Variants in SNTG1 observed in about 807,000 individuals in gnomAD.
SNTG1 encodes gamma-1-syntrophin.
SNTG1 carries 39 observed loss-of-function variants against 74.7 expected under a neutral mutation model. The ratio of observed to expected loss-of-function variants is 0.52; its 90% confidence interval spans 0.40 to 0.68. SNTG1 has a LOEUF of 0.68. SNTG1 is among the 30% of genes least tolerant of loss of function. The probability of loss-of-function intolerance (pLI) is 0.00; values close to 1 mark genes in which losing one functional copy is unlikely to be tolerated. For synonymous variants in SNTG1, 254 were observed against 217.1 expected, an observed-to-expected ratio of 1.17 and a Z score of -1.49; for missense variants, 685 against 609.5, an observed-to-expected ratio of 1.12 and a Z score of -1.30.
chr8:50,692,599 G>T (rs539993603), intron 15 of SNTG1, among the ~76,000 whole-genome samples: 3 of 152,102 alleles, frequency 2.0e-5, no homozygotes, highest in Non-Finnish European at 4.4e-5. Flanking sequence ...CTGCCTGATC[G>T]TTCCTCTGGA....
At chr8:50,058,289 T>A (rs1820193967) in intron 1 of SNTG1, among the ~76,000 whole-genome samples, 1 of 152,152 alleles carries the variant, frequency 6.6e-6, no homozygotes, top group African/African-American at 2.4e-5. Flanking sequence ...GTTTATATGA[T>A]TAATAAGAGC....
chr8:50,095,863 C>A (rs1331324103), intron 1 of SNTG1, among the ~76,000 whole-genome samples: 1 of 151,764 alleles, frequency 6.6e-6, no homozygotes, highest in Non-Finnish European at 1.5e-5. Context: ...CCAAAGTGAG[C>A]ACAAGCCTAT....
Position 50,547,646 on chromosome 8 carries a change from G to A in SNTG1, c.681-5404G>A, listed in dbSNP as rs1027159483. ...TAGCCAGAGGAGGACAGTATTCCAGGGTGCTTGAATATCTCTGGAAAACTG... is the reference window on the plus strand; with the variant it reads ...TAGCCAGAGGAGGACAGTATTCCAGAGTGCTTGAATATCTCTGGAAAACTG... On this transcript the variant is annotated intron_variant, in intron 11 of 18. Transcript: ENST00000642720. Among the ~76,000 whole-genome samples, 3 of 151,838 alleles carry A rather than the reference G, an allele frequency of 2.0e-5. No individual in the cohort carries two copies. In the East Asian group the frequency reaches 5.8e-4, roughly 29 times the overall value.
intron 15 of SNTG1, among the ~76,000 whole-genome samples, chr8:50,697,950 A>G (rs1300998513): frequency 2.0e-5 from 3 of 152,136 alleles, no homozygotes; most frequent in Non-Finnish European, 4.4e-5. Flanking sequence ...CAGGATTTGT[A>G]TAATAAGTTA....
At chr8:49,937,645 C>T (rs993830357) in intron 1 of SNTG1, among the ~76,000 whole-genome samples, 4 of 152,140 alleles carry the variant, frequency 2.6e-5, no homozygotes, top group Non-Finnish European at 4.4e-5. Flanking sequence ...ATCTAGTCAG[C>T]TACACTCAAA....
chr8:50,457,217 G>A (rs1045840091), intron 8 of SNTG1: 3 of 152,098 alleles, frequency 2.0e-5, no homozygotes, highest in Admixed American at 2.0e-4. Flanking sequence ...AAAATCTTCA[G>A]TTCTTTCATT....
intron 2 of SNTG1, among the ~76,000 whole-genome samples, chr8:50,233,693 C>A (rs565213659): frequency 1.3e-5 from 2 of 148,418 alleles, no homozygotes; most frequent in South Asian, 4.3e-4. Context: ...ATAAAGAATT[C>A]TCAAAACTTC....
chr8:50,530,838 T>C (rs2094261069), intron 10 of SNTG1, among the ~76,000 whole-genome samples: 1 of 152,218 alleles, frequency 6.6e-6, no homozygotes, highest in African/African-American at 2.4e-5. Flanking sequence ...AGTAAATCGA[T>C]TTTAATATCT....
intron 2 of SNTG1, among the ~76,000 whole-genome samples, chr8:50,295,040 C>A (rs1489394796): frequency 6.6e-6 from 1 of 152,098 alleles, no homozygotes; most frequent in African/African-American, 2.4e-5. Context: ...ACAGACAAAC[C>A]ACTTTGTACA....
At chr8:50,717,735 C>A (rs1283870755) in intron 17 of SNTG1, among the ~76,000 whole-genome samples, 2 of 152,162 alleles carry the variant, frequency 1.3e-5, no homozygotes, top group African/African-American at 4.8e-5. Flanking sequence ...ACTTTTCTCC[C>A]AGGCTTATGG....
In SNTG1 at chr8:50,594,368, G is replaced by A. The variant is rs982859762; in HGVS notation, c.849+3451G>A. 2.0e-5 allele frequency among the ~76,000 whole-genome samples: 3 copies of A among 151,560 alleles called. No individual in the cohort carries two copies. The South Asian group carries it at 6.3e-4, about 32-fold the overall frequency. On this transcript the variant is annotated intron_variant, in intron 13 of 18. Transcript: ENST00000642720. ...AATAAGTTTCTTCTATAATTACCTGGGAGTAACATTATAAAGTATTAATTT... is the reference window on the plus strand; with the variant it reads ...AATAAGTTTCTTCTATAATTACCTGAGAGTAACATTATAAAGTATTAATTT...
chr8:50,548,109 C>A (rs1335288212), intron 11 of SNTG1, among the ~76,000 whole-genome samples: 1 of 152,142 alleles, frequency 6.6e-6, no homozygotes, highest in Non-Finnish European at 1.5e-5. Context: ...CTTCTTTGCA[C>A]AATTTATTAC....
At chr8:50,602,310 T>C (rs1023244286) in intron 13 of SNTG1, among the ~76,000 whole-genome samples, 4 of 152,148 alleles carry the variant, frequency 2.6e-5, no homozygotes, top group Non-Finnish European at 5.9e-5. Flanking sequence ...GAGGTTGCCA[T>C]GAGGATTGAT....
At position 50,297,396 on chromosome 8, in the gene SNTG1, G is replaced by A. The variant is rs777678514; in HGVS notation, c.-27-96816G>A. Among the ~76,000 whole-genome samples the A allele has an allele frequency of 5.1e-4, 78 of 152,246 alleles. 1 individual carries two copies. Among genetic ancestry groups the A allele is most frequent in the Non-Finnish European group, 8.2e-4 (56 of 68,014 alleles). ...AGATAGATGGCTCATTCCTACCATAGATCTTAGCAACCCCAGCACACAATT... is the reference window on the plus strand; with the variant it reads ...AGATAGATGGCTCATTCCTACCATAAATCTTAGCAACCCCAGCACACAATT... On this transcript the variant is annotated intron_variant, in intron 2 of 18. Transcript: ENST00000642720.
At chr8:50,088,299 T>C (rs1035913616) in intron 1 of SNTG1, among the ~76,000 whole-genome samples, 25 of 146,540 alleles carry the variant, frequency 1.7e-4, no homozygotes, top group Non-Finnish European at 1.4e-4. Context: ...GCCAATATCA[T>C]ACTGAATGGG....
chr8:49,942,612 T>A (rs551623228), intron 1 of SNTG1, among the ~76,000 whole-genome samples: 3 of 152,212 alleles, frequency 2.0e-5, no homozygotes, highest in South Asian at 4.1e-4. Context: ...TTAGTTATGA[T>A]CATTTCCCAG....
chr8:49,928,060 C>A (rs1245056177), intron 1 of SNTG1, among the ~76,000 whole-genome samples: 1 of 147,596 alleles, frequency 6.8e-6, no homozygotes, highest in African/African-American at 2.5e-5. Flanking sequence ...ATCCGGGAGG[C>A]GGAGGTTGTA....
chr8:50,379,018 A>T (rs530997157), intron 2 of SNTG1, among the ~76,000 whole-genome samples: 1 of 152,136 alleles, frequency 6.6e-6, no homozygotes, highest in East Asian at 2.0e-4. Flanking sequence ...TCACCCAGGA[A>T]CCTGTCTGCA....
chr8:50,428,824 G>A (rs543839266), intron 4 of SNTG1, among the ~76,000 whole-genome samples: 67 of 152,140 alleles, frequency 4.4e-4, no homozygotes, highest in Middle Eastern at 3.4e-3. Flanking sequence ...TATCTAGGGA[G>A]GTAAGTTCTG....
Sources: allele counts gnomAD v4.1 joint callset (sites outside exome capture counted in the v4.1 genomes callset), GRCh38; gene constraint gnomAD v4.1.1; transcripts MANE v1.5; gene names NCBI Gene and HGNC (gene_info 2026-07-23, HGNC 2026-07-21).